Variants in ZDHHC4 observed in about 807,000 individuals in gnomAD.
ZDHHC4 encodes the protein zDHHC palmitoyltransferase 4.
In ZDHHC4, 42 loss-of-function variants were observed where a neutral mutation model predicts 36.7. The observed-to-expected ratio is 1.14, with a 90% CI of 0.89 to 1.48. ZDHHC4 has a LOEUF of 1.48. ZDHHC4 is among the 40% of genes most tolerant of loss of function. The probability of loss-of-function intolerance (pLI) is 0.00; values close to 1 mark genes in which losing one functional copy is unlikely to be tolerated. For synonymous variants in ZDHHC4, 189 were observed against 166.6 expected (o/e 1.13, Z -1.03); for missense variants, 457 against 421.5 (o/e 1.08, Z -0.74).
chr7:6,588,503 G>C, intron 7 of ZDHHC4, 114 bp from the exon 8 acceptor site: 1 of 1,087,488 alleles, frequency 9.2e-7, no homozygotes, highest in Middle Eastern at 2.6e-4. Flanking sequence ...GACACAAGTA[G>C]GTGGGCTGAG....
intron 2 of ZDHHC4, among the ~76,000 whole-genome samples, chr7:6,580,179 T>C (rs1780741725): frequency 6.6e-6 from 1 of 152,112 alleles, no homozygotes; most frequent in African/African-American, 2.4e-5. Flanking sequence ...TTTATTTTAT[T>C]AAATTGAGAC....
chr7:6,587,080 T>A (rs1781293592), intron 7 of ZDHHC4, among the ~76,000 whole-genome samples: 1 of 151,920 alleles, frequency 6.6e-6, no homozygotes, highest in African/African-American at 2.4e-5. Context: ...AGTCTCACTC[T>A]GTCACCTAGG....
rs1211099059 is a variant in ZDHHC4, at chr7:6,581,669, T to A, written c.180T>A (p.Leu60=). The A allele has an allele frequency of 6.2e-7, 1 of 1,606,670 alleles. No individual in the cohort carries two copies. The highest frequency in any genetic ancestry group is 8.5e-7 in the Non-Finnish European group (1 of 1,173,918). ...QRAVHGLLHY[L]FHTRNHTFIV... Reference sequence around the variant, plus strand: ...CCGTGCATGGATTGCTTCATTACCTTTTCCATACGAGGTATTTCTCTTTCA... The same window carrying A: ...CCGTGCATGGATTGCTTCATTACCTATTCCATACGAGGTATTTCTCTTTCA... Residue 60 remains leucine, a synonymous_variant, in exon 4 of 8, where the codon CTT becomes CTA. Coordinates refer to ENST00000335965, the MANE Select transcript of ZDHHC4 (RefSeq NM_001134389.2).
At position 6,581,607 on chromosome 7, in the gene ZDHHC4, A is replaced by G; in HGVS notation, c.118A>G (p.Ile40Val). Residue 40 changes from isoleucine to valine, a missense_variant and splice_region_variant, in exon 4 of 8, where the codon ATA (isoleucine) becomes GTA (valine). By Grantham distance (29) the Ile-to-Val change is conservative. Coordinates refer to ENST00000335965, the MANE Select transcript of ZDHHC4 (RefSeq NM_001134389.2). Reference sequence around the variant, plus strand: ...GTCTTTCTCTTTCCTTTTGTTTCAGATATTTTCCTGTATAATTCCAGAATG... The same window carrying G: ...GTCTTTCTCTTTCCTTTTGTTTCAGGTATTTTCCTGTATAATTCCAGAATG... The part of the protein sequence containing the change: ...LKGLARGGAQ[I>V]FSCIIPECLQ... 3 of 1,609,334 alleles carry G rather than the reference A, an allele frequency of 1.9e-6. No individual in the cohort carries two copies. The highest frequency in any genetic ancestry group is 1.1e-5 in the South Asian group (1 of 90,818).
Position 6,578,714 on chromosome 7 carries a change from G to C in ZDHHC4, c.-14G>C, listed in dbSNP as rs1418438513. ...TGCCGGCTGAAAATTACCCAACCAA[G>C]AGAAATGTAGGCTGGGTACCCTGAA... On this transcript the variant is annotated 5_prime_UTR_variant, in exon 2 of 8. Coordinates refer to ENST00000335965, the MANE Select transcript of ZDHHC4 (RefSeq NM_001134389.2). 2 of 152,208 alleles carry C rather than the reference G, an allele frequency of 1.3e-5. No homozygotes were observed. Among genetic ancestry groups the C allele is most frequent in the South Asian group, 4.1e-4 (2 of 4,826 alleles). 9.4% of individuals were successfully genotyped at this position (152,208 alleles called of 1,614,324 possible).
At chr7:6,583,595 A>G in intron 6 of ZDHHC4, 164 bp downstream of exon 6, 1 of 968,726 alleles carries the variant, frequency 1.0e-6, no homozygotes. Context: ...CAGATGAGTG[A>G]GGGTCAGGTC....
At position 6,582,127 on chromosome 7, in the gene ZDHHC4, G is replaced by A. The variant is rs1456993937; in HGVS notation, c.246G>A (p.Glu82=). Reference sequence around the variant, plus strand: ...TCTTGCAAGGGATGGTTTATACTGAGTACACCTGGGAAGTATTTGGCTACT... The same window carrying A: ...TCTTGCAAGGGATGGTTTATACTGAATACACCTGGGAAGTATTTGGCTACT... ...HLVLQGMVYT[E]YTWEVFGYCQ... is the part of the protein sequence containing the mutation. The change falls in exon 5 of 8, where the codon GAG becomes GAA. Residue 82 remains glutamate, a synonymous_variant. Coordinates refer to ENST00000335965, the MANE Select transcript of ZDHHC4 (RefSeq NM_001134389.2). 2.5e-6 allele frequency: 4 copies of A among 1,614,176 alleles called. No individual in the cohort carries two copies. The highest frequency in any genetic ancestry group is 2.2e-5 in the East Asian group (1 of 44,884).
chr7:6,587,444 A>G (rs1781317830), intron 7 of ZDHHC4, among the ~76,000 whole-genome samples: 1 of 152,158 alleles, frequency 6.6e-6, no homozygotes, highest in South Asian at 2.1e-4. Flanking sequence ...TGTGACTTTC[A>G]AAAATATTAA....
Position 6,582,752 on chromosome 7 carries a change from G to A in ZDHHC4, c.370+501G>A, listed in dbSNP as rs1345867452. Among the ~76,000 whole-genome samples, 3 of 152,020 alleles carry A rather than the reference G, an allele frequency of 2.0e-5. No homozygotes were observed. In the East Asian group the frequency reaches 5.8e-4, roughly 29 times the overall value. On this transcript the variant is annotated intron_variant, in intron 5 of 7. Transcript: ENST00000335965. ...AGGCTGGTCTCGAACTCCTGACCTC[G>A]TGATCCACCCACCTCAGCCTCCCAA...
intron 4 of ZDHHC4, 150 bp from the exon 5 acceptor site, chr7:6,581,923 C>G: frequency 1.2e-6 from 1 of 868,136 alleles, no homozygotes; most frequent in African/African-American, 1.7e-5. Flanking sequence ...CTGTTAAATA[C>G]ATGCAAAATG....
intron 1 of ZDHHC4, chr7:6,577,779 A>C (rs1374575420): frequency 6.6e-6 from 1 of 151,912 alleles, no homozygotes; most frequent in Non-Finnish European, 1.5e-5. Context: ...GGAGAGACCC[A>C]AGGCTACCGA....
intron 2 of ZDHHC4, among the ~76,000 whole-genome samples, chr7:6,579,163 C>T (rs1780660112): frequency 1.3e-5 from 2 of 150,432 alleles, no homozygotes; most frequent in Non-Finnish European, 3.0e-5. Context: ...TTTTCTTAAA[C>T]CGCTACACTA....
intron 3 of ZDHHC4, 96 bp downstream of exon 3, chr7:6,580,774 C>T (rs576521128): frequency 8.3e-5 from 97 of 1,175,650 alleles, no homozygotes; most frequent in African/African-American, 6.0e-4. Flanking sequence ...GATGCCAGGC[C>T]GGGTGCAGTG....
intron 6 of ZDHHC4, chr7:6,584,173 T>G (rs1781064232): frequency 6.6e-6 from 1 of 152,230 alleles, no homozygotes; most frequent in East Asian, 1.9e-4. Context: ...TTTTAACATG[T>G]AATCAATGTA....
chr7:6,584,773 G>A (rs1781112249), intron 6 of ZDHHC4: 2 of 527,358 alleles, frequency 3.8e-6, no homozygotes, highest in Non-Finnish European at 6.8e-6. Context: ...CTGGGACCAT[G>A]GGTGCATGCC....
In ZDHHC4 at chr7:6,588,861, A is replaced by G; in HGVS notation, c.986A>G (p.Glu329Gly). ...CATGGGCTTCGGAGCAACCTTCAAGAGATCTTTCTACCTGCCTTTCCATGT... is the reference window on the plus strand; with the variant it reads ...CATGGGCTTCGGAGCAACCTTCAAGGGATCTTTCTACCTGCCTTTCCATGT... ...HSHGLRSNLQEIFLPAFPCHE... is the reference protein window; with the variant it reads ...HSHGLRSNLQGIFLPAFPCHE... The change falls in exon 8 of 8, where the codon GAG becomes GGG. Residue 329 changes from glutamate to glycine, a missense_variant. By Grantham distance (98) the Glu-to-Gly change is moderately conservative (BLOSUM62 -2). Coordinates refer to ENST00000335965, the MANE Select transcript of ZDHHC4 (RefSeq NM_001134389.2). 6 of 1,612,040 alleles carry G rather than the reference A, an allele frequency of 3.7e-6. No homozygotes were observed. Among genetic ancestry groups the G allele is most frequent in the Non-Finnish European group, 4.2e-6 (5 of 1,178,228 alleles).
intron 7 of ZDHHC4, among the ~76,000 whole-genome samples, chr7:6,588,172 C>T (rs1000630803): frequency 4.6e-5 from 7 of 152,112 alleles, no homozygotes; most frequent in Admixed American, 2.0e-4. Context: ...GCCCCTGTTT[C>T]TATTTATTAA....
rs775839513 is a variant in ZDHHC4 at position 6,585,213 on chromosome 7, G to A, written c.694G>A (p.Asp232Asn). The change falls in exon 7 of 8, where the codon GAT (aspartate) becomes AAT (asparagine). Residue 232 changes from aspartate (D) to asparagine (N), a missense_variant. By Grantham distance (23) the Asp-to-Asn change is conservative (BLOSUM62 1). Transcript: ENST00000335965. ...MSDLYQETYI[D>N]DLGHLHVMDT... is the part of the protein sequence containing the mutation. ...AGATTTATACCAGGAGACTTACATC[G>A]ATGACCTTGGACACCTCCATGTTAT... The A allele has an allele frequency of 4.3e-6, 7 of 1,614,142 alleles. No individual in the cohort carries two copies. The highest frequency in any genetic ancestry group is 1.1e-5 in the South Asian group (1 of 91,078).
chr7:6,587,654 A>T (rs1328798717), intron 7 of ZDHHC4, among the ~76,000 whole-genome samples: 2 of 152,104 alleles, frequency 1.3e-5, no homozygotes, highest in African/African-American at 4.8e-5. Context: ...AATTGACATC[A>T]TTTTTCATGG....
Sources: gnomAD v4.1 joint callset for allele counts (sites outside exome capture counted in the v4.1 genomes callset) on GRCh38, gnomAD v4.1.1 for gene constraint, MANE v1.5 for transcripts, NCBI Gene and HGNC (gene_info 2026-07-23, HGNC 2026-07-21) for gene names.